SRGAP2: variants seen among roughly 807,000 people sequenced by gnomAD.
SRGAP2 encodes the protein SLIT-ROBO Rho GTPase-activating protein 2.
SRGAP2 carries 15 observed loss-of-function variants against 57.2 expected under a neutral mutation model. The observed-to-expected ratio is 0.26, with a 90% CI of 0.18 to 0.40. The LOEUF (loss-of-function observed/expected upper bound fraction) is 0.40, where lower values mean the gene tolerates loss of function less well. Ranked by LOEUF, SRGAP2 falls within the 10% of genes least tolerant of loss-of-function variation. The pLI is 1.00. For missense variants in SRGAP2, 520 were observed against 669.6 expected, an observed-to-expected ratio of 0.78 and a Z score of 2.47; for synonymous variants, 249 against 248.0, an observed-to-expected ratio of 1.00 and a Z score of -0.04.
In SRGAP2 at chr1:206,454,043, C is replaced by A; in HGVS notation, c.2360+663C>A. 1.4e-6 allele frequency: 1 copy of A among 694,164 alleles called. No individual in the cohort carries two copies. Among genetic ancestry groups the A allele is most frequent in the Non-Finnish European group, 2.6e-6 (1 of 380,232 alleles). 43.0% of individuals were successfully genotyped at this position (694,164 alleles called of 1,614,324 possible). ...AGTTGTCCCGTGGGCCCACCCAAGC[C>A]TGCCCCCTGTCCGTTTGCCCTGTCT... On this transcript the variant is annotated intron_variant, in intron 20 of 22. Coordinates refer to ENST00000573034, the MANE Select transcript of SRGAP2 (RefSeq NM_015326.5). The surrounding 1 kb of genome is among the most constrained non-coding windows in gnomAD (Gnocchi z 4.3).
chr1:206,268,067 G>A (rs183549595), intron 2 of SRGAP2, among the ~76,000 whole-genome samples: 1 of 144,058 alleles, frequency 6.9e-6, no homozygotes, highest in Non-Finnish European at 1.5e-5. Context: ...GATGAACATG[G>A]ACTATATATA....
chr1:206,372,072 G>C (rs1654605286), intron 4 of SRGAP2, among the ~76,000 whole-genome samples: 1 of 86,566 alleles, frequency 1.2e-5, no homozygotes, highest in Non-Finnish European at 2.0e-5. Flanking sequence ...TTCCTGCCTT[G>C]GACTTCCAAA....
intron 18 of SRGAP2, among the ~76,000 whole-genome samples, chr1:206,449,310 T>A (rs1014662245): frequency 8.2e-5 from 11 of 133,918 alleles, no homozygotes; most frequent in South Asian, 2.4e-4. Flanking sequence ...TTTTTTTTTT[T>A]AGACAGGATC....
chr1:206,459,943 T>A (rs575550356), intron 22 of SRGAP2, among the ~76,000 whole-genome samples: 1 of 152,264 alleles, frequency 6.6e-6, no homozygotes, highest in South Asian at 2.1e-4. Context: ...AGCTCCCTCC[T>A]TGGCCAGGTG....
At chr1:206,340,814 G>A (rs1553334987) in intron 3 of SRGAP2, among the ~76,000 whole-genome samples, 2 of 148,334 alleles carry the variant, frequency 1.3e-5, no homozygotes, top group African/African-American at 5.0e-5. Flanking sequence ...TTTTTCCCCA[G>A]ATACTAAACA....
intron 19 of SRGAP2, among the ~76,000 whole-genome samples, chr1:206,451,878 A>G (rs1166200780): frequency 6.6e-6 from 1 of 152,176 alleles, no homozygotes; most frequent in Non-Finnish European, 1.5e-5. Flanking sequence ...CCAGCCTCCT[A>G]TAGTGAAATC....
At chr1:206,281,389 C>T (rs1257448940) in intron 2 of SRGAP2, among the ~76,000 whole-genome samples, 1 of 127,936 alleles carries the variant, frequency 7.8e-6, no homozygotes, top group Non-Finnish European at 1.6e-5. Context: ...TATTTTGTGT[C>T]TTTTCCTCTA....
At chr1:206,298,850 G>A (rs1427428076) in intron 2 of SRGAP2, among the ~76,000 whole-genome samples, 2 of 151,588 alleles carry the variant, frequency 1.3e-5, no homozygotes, top group East Asian at 3.9e-4. Flanking sequence ...AGATCTTCAG[G>A]TTGGGGCTTA....
chr1:206,454,186 G>A lies in SRGAP2; in HGVS notation c.2361-692G>A, dbSNP rs551979872. The A allele has an allele frequency of 1.7e-5, 12 of 702,188 alleles. No homozygotes were observed. The highest frequency in any genetic ancestry group is 5.9e-5 in the South Asian group (4 of 67,502). 43.5% of individuals were successfully genotyped at this position (702,188 alleles called of 1,614,324 possible). On this transcript the variant is annotated intron_variant, in intron 20 of 22. Transcript: ENST00000573034. The surrounding 1 kb of genome is among the most constrained non-coding windows in gnomAD (Gnocchi z 4.3). ...GTCTGCACCCTCCCAGCCTCTTCCC[G>A]GCTCGTTCTGCAGGGAAATCCTCCC...
intron 2 of SRGAP2, among the ~76,000 whole-genome samples, chr1:206,236,400 A>G: frequency 6.6e-6 from 1 of 152,340 alleles, no homozygotes; most frequent in East Asian, 1.9e-4. Flanking sequence ...CCTTTTCTCA[A>G]CACCTGCGAC....
At chr1:206,333,995 A>G (rs1343417123) in intron 3 of SRGAP2, among the ~76,000 whole-genome samples, 1 of 152,224 alleles carries the variant, frequency 6.6e-6, no homozygotes, top group East Asian at 1.9e-4. Flanking sequence ...GCTGTAATTT[A>G]GAGCACACAA....
intron 11 of SRGAP2, among the ~76,000 whole-genome samples, chr1:206,416,390 G>A (rs971742863): frequency 6.6e-6 from 1 of 152,202 alleles, no homozygotes; most frequent in Admixed American, 6.5e-5. Flanking sequence ...TCTGAGAGGA[G>A]AGAATCCTCA....
chr1:206,295,267 A>G (rs1336764152), intron 2 of SRGAP2, among the ~76,000 whole-genome samples: 1 of 152,044 alleles, frequency 6.6e-6, no homozygotes, highest in Non-Finnish European at 1.5e-5. Context: ...CCTGTCGCCC[A>G]GGCTGGAGTG....
Position 206,236,913 on chromosome 1 carries a change from G to A in SRGAP2, c.67+30876G>A, listed in dbSNP as rs1222084686. 9.5e-4 allele frequency among the ~76,000 whole-genome samples: 118 copies of A among 123,668 alleles called. 1 individual carries two copies. The highest frequency in any genetic ancestry group is 3.7e-3 in the African/African-American group (112 of 30,292). 81.1% of individuals were successfully genotyped at this position (123,668 alleles called of 152,430 possible). A position where few individuals can be genotyped will look rare whatever the true frequency, so the allele number is the denominator to read the frequency against. ...TTTATTTTAATTTTTTTTTGAGACA[G>A]GGTCTCTCTATTATTGCCCCAGCTG... On this transcript the variant is annotated intron_variant, in intron 2 of 22. Transcript: ENST00000573034.
Position 206,314,096 on chromosome 1 carries a change from G to GT in SRGAP2, c.260+10631dup, listed in dbSNP as rs1463607146. ...AAAAGAAATAGAGAGGGGCTTTTTT[G>GT]TTTTTTTTGTTTTTTTTTTTTTGTT... On this transcript the variant is annotated intron_variant, in intron 3 of 22. Coordinates refer to ENST00000573034, the MANE Select transcript of SRGAP2 (RefSeq NM_015326.5). 6.6e-4 allele frequency among the ~76,000 whole-genome samples: 83 copies of GT among 125,642 alleles called. 1 individual carries two copies. The highest frequency in any genetic ancestry group is 5.0e-3 in the East Asian group (17 of 3,374). The allele number at this position is 125,642 out of a possible 152,430, so 82.4% of individuals were successfully genotyped here. A position where few individuals can be genotyped will look rare whatever the true frequency, so the allele number is the denominator to read the frequency against.
At chr1:206,443,742 C>T (rs1275459986) in intron 17 of SRGAP2, among the ~76,000 whole-genome samples, 1 of 152,216 alleles carries the variant, frequency 6.6e-6, no homozygotes, top group Non-Finnish European at 1.5e-5. Flanking sequence ...CTAGACACAG[C>T]CTTCAGGGAC....
At chr1:206,230,527 C>CA (rs1190225661) in intron 2 of SRGAP2, among the ~76,000 whole-genome samples, 1 of 150,466 alleles carries the variant, frequency 6.6e-6, no homozygotes, top group East Asian at 1.9e-4. Flanking sequence ...TTCATGTACT[C>CA]AACACATGAT....
intron 4 of SRGAP2, among the ~76,000 whole-genome samples, chr1:206,381,237 G>T (rs1177301556): frequency 6.6e-6 from 1 of 152,020 alleles, no homozygotes; most frequent in Non-Finnish European, 1.5e-5. Context: ...CCACTCTGGG[G>T]CTAGGTTATT....
intron 14 of SRGAP2, among the ~76,000 whole-genome samples, chr1:206,434,112 C>T (rs1661517777): frequency 6.6e-6 from 1 of 152,144 alleles, no homozygotes; most frequent in South Asian, 2.1e-4. Flanking sequence ...TTGAAAGAGT[C>T]TGTGGCCCAC....
Sources: allele counts gnomAD v4.1 joint callset (sites outside exome capture counted in the v4.1 genomes callset), GRCh38; gene constraint gnomAD v4.1.1; non-coding constraint Gnocchi (gnomAD v3.1); transcripts MANE v1.5; gene names NCBI Gene and HGNC (gene_info 2026-07-23, HGNC 2026-07-21).